Variants in AMPH observed in about 807,000 individuals in gnomAD.
The protein encoded by AMPH is amphiphysin, also known as amphiphysin (Stiff-Mann syndrome with breast cancer 128kD autoantigen).
In AMPH, 49 loss-of-function variants were observed where a neutral mutation model predicts 99.1. That is an observed-to-expected ratio of 0.49 (90% confidence interval 0.39 to 0.63). The LOEUF (loss-of-function observed/expected upper bound fraction) is 0.63, where lower values mean the gene tolerates loss of function less well. AMPH is among the 20% of genes least tolerant of loss of function. The pLI, the probability that AMPH is intolerant of heterozygous loss-of-function variation, is 0.00. For missense variants in AMPH, 759 were observed against 863.4 expected (o/e 0.88, Z 1.52); for synonymous variants, 314 against 317.3 (o/e 0.99, Z 0.11).
At chr7:38,405,618 C>T (rs1031814403) in intron 17 of AMPH, among the ~76,000 whole-genome samples, 1 of 151,922 alleles carries the variant, frequency 6.6e-6, no homozygotes, top group Non-Finnish European at 1.5e-5. Context: ...TATATCATAA[C>T]AAGAGTTCAA....
chr7:38,417,563 G>A (rs1003182928), intron 17 of AMPH, among the ~76,000 whole-genome samples: 2 of 152,208 alleles, frequency 1.3e-5, no homozygotes, highest in African/African-American at 2.4e-5. Context: ...CTGATTACTC[G>A]CAAGTTCTAC....
intron 2 of AMPH, among the ~76,000 whole-genome samples, chr7:38,506,781 TAAG>T (rs1789340599): frequency 6.6e-6 from 1 of 152,192 alleles, no homozygotes; most frequent in Non-Finnish European, 1.5e-5. Context: ...AGCCACCTCT[TAAG>T]AAGTCGGATA....
chr7:38,621,918 T>C lies in AMPH; in HGVS notation c.69+9365A>G, dbSNP rs1291751398. ...TACAGCCAAATAGTACACTTAAATT[T>C]AGATCTCAAATCAATAAGAATGATG... is the stretch of plus-strand genomic sequence containing the variant. On this transcript the variant is annotated intron_variant, in intron 1 of 20. Coordinates refer to ENST00000356264, the MANE Select transcript of AMPH (RefSeq NM_001635.4). Among the ~76,000 whole-genome samples the C allele has an allele frequency of 2.0e-5, 3 of 152,242 alleles. 1 individual carries two copies. The highest frequency in any genetic ancestry group is 7.2e-5 in the African/African-American group (3 of 41,462).
intron 11 of AMPH, 23 bp downstream of exon 11, chr7:38,461,260 C>T: frequency 6.2e-7 from 1 of 1,609,016 alleles, no homozygotes. Flanking sequence ...CATGGACATA[C>T]CAGCCCTGAA....
chr7:38,461,946 A>T (rs1329342164), intron 10 of AMPH, among the ~76,000 whole-genome samples: 3 of 152,198 alleles, frequency 2.0e-5, no homozygotes, highest in Non-Finnish European at 2.9e-5. Context: ...TCCTCAACTT[A>T]TGATGGTTCA....
chr7:38,443,537 A>G (rs10259475), intron 11 of AMPH, among the ~76,000 whole-genome samples: 37,471 of 152,022 alleles, frequency 0.25, 4,996 homozygotes, highest in African/African-American at 0.33. Context: ...GACTTCATGG[A>G]TGGTTTACCA....
At chr7:38,510,185 C>G (rs1789486551) in intron 2 of AMPH, among the ~76,000 whole-genome samples, 1 of 152,174 alleles carries the variant, frequency 6.6e-6, no homozygotes, top group Non-Finnish European at 1.5e-5. Context: ...CGTGGCCTCT[C>G]TCCTTGGCTT....
intron 1 of AMPH, among the ~76,000 whole-genome samples, chr7:38,630,150 G>A (rs1350855916): frequency 6.6e-6 from 1 of 152,178 alleles, no homozygotes; most frequent in Non-Finnish European, 1.5e-5. Flanking sequence ...ACAGGAAAAC[G>A]CTAAACACCC....
intron 1 of AMPH, among the ~76,000 whole-genome samples, chr7:38,549,563 A>T (rs1791110453): frequency 6.6e-6 from 1 of 152,264 alleles, no homozygotes. Context: ...AGGTAGTTTC[A>T]TTCAAAACCT....
intron 9 of AMPH, chr7:38,464,150 G>T (rs1337106151): frequency 4.7e-6 from 6 of 1,287,316 alleles, no homozygotes; most frequent in Admixed American, 2.3e-5. Flanking sequence ...AGTGGTCATG[G>T]CCCCGCTTTT....
intron 11 of AMPH, among the ~76,000 whole-genome samples, chr7:38,451,901 T>C (rs994788382): frequency 1.3e-5 from 2 of 152,176 alleles, no homozygotes; most frequent in African/African-American, 4.8e-5. Context: ...GATCTGTTTT[T>C]GTAAACACAA....
rs184561447 is a variant in AMPH at position 38,543,787 on chromosome 7, T to C, written c.70-8776A>G. On this transcript the variant is annotated intron_variant, in intron 1 of 20. Transcript: ENST00000356264. ...ATAGTGTTTCCCAAAATGTGTTCCA[T>C]GGGAAATAATCTCAGGAATCTCTAT... Among the ~76,000 whole-genome samples the C allele has an allele frequency of 1.7e-3, 256 of 152,278 alleles. 2 individuals carry two copies. Among genetic ancestry groups the C allele is most frequent in the African/African-American group, 5.8e-3 (242 of 41,554 alleles).
intron 2 of AMPH, among the ~76,000 whole-genome samples, chr7:38,505,832 T>C (rs758899718): frequency 2.6e-5 from 4 of 152,070 alleles, no homozygotes; most frequent in Non-Finnish European, 4.4e-5. Context: ...TATGAGAGCA[T>C]TGTGTCACAT....
chr7:38,545,789 C>T (rs4385366), intron 1 of AMPH, among the ~76,000 whole-genome samples: 65,600 of 152,008 alleles, frequency 0.43, 14,238 homozygotes, highest in Non-Finnish European at 0.46. Flanking sequence ...TATGCCCCAA[C>T]TGCCAGGACA....
intron 1 of AMPH, among the ~76,000 whole-genome samples, chr7:38,578,212 C>T (rs536379208): frequency 2.2e-4 from 33 of 152,244 alleles, no homozygotes; most frequent in African/African-American, 7.7e-4. Context: ...AAGTTGGTTC[C>T]AGTACCCACT....
intron 1 of AMPH, among the ~76,000 whole-genome samples, chr7:38,574,145 C>A (rs1792147358): frequency 1.3e-5 from 2 of 152,236 alleles, no homozygotes; most frequent in African/African-American, 2.4e-5. Flanking sequence ...AGCAACATTA[C>A]TGAATCATCT....
intron 1 of AMPH, among the ~76,000 whole-genome samples, chr7:38,625,771 G>A (rs576132973): frequency 6.6e-6 from 1 of 152,112 alleles, no homozygotes; most frequent in Non-Finnish European, 1.5e-5. Flanking sequence ...AAAAGACAAA[G>A]AACAAGAAAG....
intron 19 of AMPH, among the ~76,000 whole-genome samples, chr7:38,390,761 G>C (rs1031612892): frequency 4.6e-5 from 7 of 152,214 alleles, no homozygotes; most frequent in African/African-American, 1.7e-4. Context: ...AATGGGCCCA[G>C]CAAGCTCCAG....
intron 1 of AMPH, among the ~76,000 whole-genome samples, chr7:38,594,553 T>C (rs1010808833): frequency 3.9e-5 from 6 of 152,168 alleles, no homozygotes; most frequent in Non-Finnish European, 8.8e-5. Flanking sequence ...GTAGGTGATC[T>C]GCCAAGGCTT....
Sources: allele counts gnomAD v4.1 joint callset (sites outside exome capture counted in the v4.1 genomes callset), GRCh38; gene constraint gnomAD v4.1.1; transcripts MANE v1.5; gene names NCBI Gene and HGNC (gene_info 2026-07-23, HGNC 2026-07-21).